CSMD1: variants seen among roughly 807,000 people sequenced by gnomAD.
CSMD1 encodes CUB and sushi domain-containing protein 1.
Under a neutral mutation model 417.5 loss-of-function variants are expected in CSMD1, and 213 were observed. The observed-to-expected ratio is 0.51, with a 90% CI of 0.46 to 0.57. The LOEUF (loss-of-function observed/expected upper bound fraction) is 0.57. CSMD1 is among the 20% of genes least tolerant of loss of function. The probability of loss-of-function intolerance (pLI) is 0.00; values close to 1 mark genes in which losing one functional copy is unlikely to be tolerated. For missense variants in CSMD1, 6,923 were observed against 4,529.7 expected (o/e 1.53, Z -15.17); for synonymous variants, 2,862 against 1,736.8 (o/e 1.65, Z -16.11).
intron 6 of CSMD1, among the ~76,000 whole-genome samples, chr8:3,720,677 A>G (rs1471902290): frequency 6.7e-6 from 1 of 149,830 alleles, no homozygotes; most frequent in Admixed American, 6.7e-5. Flanking sequence ...CTCCTTCATG[A>G]CCCATGGGAA....
chr8:3,167,173 T>C (rs1820277575), intron 37 of CSMD1, among the ~76,000 whole-genome samples: 1 of 151,462 alleles, frequency 6.6e-6, no homozygotes, highest in African/African-American at 2.4e-5. Context: ...TAATCGCAGG[T>C]ACTTGGGAGG....
At chr8:3,764,968 C>T (rs1468686698) in intron 5 of CSMD1, among the ~76,000 whole-genome samples, 6 of 152,102 alleles carry the variant, frequency 3.9e-5, no homozygotes, top group African/African-American at 1.4e-4. Flanking sequence ...TGGTCTCGAA[C>T]TCCTGACCTC....
At chr8:4,853,184 C>G (rs1801586329) in intron 1 of CSMD1, among the ~76,000 whole-genome samples, 1 of 152,184 alleles carries the variant, frequency 6.6e-6, no homozygotes, top group Admixed American at 6.5e-5. Context: ...AAAAGGGACC[C>G]AGGTGCTGCT....
intron 1 of CSMD1, among the ~76,000 whole-genome samples, chr8:4,822,121 T>C (rs1476659982): frequency 1.3e-5 from 2 of 152,024 alleles, no homozygotes; most frequent in African/African-American, 4.8e-5. Flanking sequence ...GCTTCCTATC[T>C]TCCCTTTTTG....
At chr8:4,483,875 G>C (rs1221224797) in intron 2 of CSMD1, among the ~76,000 whole-genome samples, 2 of 152,164 alleles carry the variant, frequency 1.3e-5, no homozygotes, top group Admixed American at 6.5e-5. Context: ...CTTAGAGTAA[G>C]TCAAAAATGA....
chr8:3,736,732 C>G (rs1410512697), intron 6 of CSMD1, among the ~76,000 whole-genome samples: 1 of 152,236 alleles, frequency 6.6e-6, no homozygotes, highest in East Asian at 1.9e-4. Context: ...TGCCTGGCTT[C>G]AAATTCACCT....
At chr8:4,043,191 G>C (rs555817034) in intron 3 of CSMD1, among the ~76,000 whole-genome samples, 7 of 152,128 alleles carry the variant, frequency 4.6e-5, no homozygotes, top group Admixed American at 1.3e-4. Flanking sequence ...GATTATGGTA[G>C]ACTGCTATAA....
chr8:3,628,975 A>T (rs1796633561), intron 7 of CSMD1, among the ~76,000 whole-genome samples: 2 of 152,138 alleles, frequency 1.3e-5, no homozygotes, highest in Non-Finnish European at 2.9e-5. Context: ...TAAAGAAGGG[A>T]AGGAGGATAG....
chr8:4,000,365 C>G (rs992491654), intron 4 of CSMD1, among the ~76,000 whole-genome samples: 1 of 152,246 alleles, frequency 6.6e-6, no homozygotes, highest in Non-Finnish European at 1.5e-5. Context: ...TGTGATCATA[C>G]ATATACAGTT....
chr8:3,462,437 C>A (rs1816564035), intron 12 of CSMD1, among the ~76,000 whole-genome samples: 1 of 152,168 alleles, frequency 6.6e-6, no homozygotes, highest in African/African-American at 2.4e-5. Flanking sequence ...AGCTCTGCCT[C>A]CCAGCAGATC....
At chr8:2,940,657 A>G (rs1345636454) in intron 69 of CSMD1, among the ~76,000 whole-genome samples, 2 of 152,184 alleles carry the variant, frequency 1.3e-5, no homozygotes, top group East Asian at 3.9e-4. Context: ...CCAATGCTAC[A>G]TTGCCTTAAA....
intron 3 of CSMD1, among the ~76,000 whole-genome samples, chr8:4,345,955 C>T (rs993759048): frequency 6.6e-6 from 1 of 152,140 alleles, no homozygotes; most frequent in African/African-American, 2.4e-5. Context: ...TCAAACTACG[C>T]TCTTCATACT....
chr8:4,601,303 G>A (rs1479715969), intron 2 of CSMD1, among the ~76,000 whole-genome samples: 1 of 152,182 alleles, frequency 6.6e-6, no homozygotes, highest in Non-Finnish European at 1.5e-5. Flanking sequence ...TAGAGTGACA[G>A]CGAAGCAAAA....
At chr8:3,829,282 G>C (rs1007045110) in intron 5 of CSMD1, among the ~76,000 whole-genome samples, 2 of 152,022 alleles carry the variant, frequency 1.3e-5, no homozygotes, top group Non-Finnish European at 2.9e-5. Context: ...TACGATGTTT[G>C]GTTTTCCATT....
intron 3 of CSMD1, among the ~76,000 whole-genome samples, chr8:4,258,051 C>T (rs897247399): frequency 1.3e-5 from 2 of 151,782 alleles, no homozygotes; most frequent in African/African-American, 4.8e-5. Context: ...GGAAGCAATC[C>T]TCCCACCTCA....
At chr8:4,012,956 T>C (rs1286547413) in intron 4 of CSMD1, among the ~76,000 whole-genome samples, 2 of 152,138 alleles carry the variant, frequency 1.3e-5, no homozygotes, top group African/African-American at 2.4e-5. Context: ...TGTCTGGCCA[T>C]CTCCTCTGCT....
intron 3 of CSMD1, among the ~76,000 whole-genome samples, chr8:4,098,640 C>T (rs1322703634): frequency 6.6e-6 from 1 of 152,104 alleles, no homozygotes; most frequent in South Asian, 2.1e-4. Context: ...CCCATTTCTA[C>T]GTATTGGTGG....
intron 6 of CSMD1, among the ~76,000 whole-genome samples, chr8:3,751,312 G>GTGTC (rs1363964657): frequency 6.2e-5 from 9 of 145,778 alleles, no homozygotes; most frequent in Non-Finnish European, 1.1e-4. Flanking sequence ...GTGTGTGTGT[G>GTGTC]TGTGTGTGTG....
chr8:3,604,706 C>A (rs935313288), intron 8 of CSMD1, among the ~76,000 whole-genome samples: 3 of 152,160 alleles, frequency 2.0e-5, no homozygotes, highest in African/African-American at 7.2e-5. Context: ...CTCCATTATT[C>A]TCTGCATCAG....
Sources: gnomAD v4.1 joint callset for allele counts (sites outside exome capture counted in the v4.1 genomes callset) on GRCh38, gnomAD v4.1.1 for gene constraint, MANE v1.5 for transcripts, NCBI Gene and HGNC (gene_info 2026-07-23, HGNC 2026-07-21) for gene names.